The following DGKB variants were observed in gnomAD, a reference collection of about 807,000 sequenced individuals.
DGKB encodes the protein diacylglycerol kinase beta.
Under a neutral mutation model 114.3 loss-of-function variants are expected in DGKB, and 67 were observed. The ratio of observed to expected loss-of-function variants is 0.59; its 90% CI spans 0.48 to 0.72. DGKB has a LOEUF of 0.72. Ranked by LOEUF, DGKB falls within the 30% of genes least tolerant of loss-of-function variation. DGKB has a pLI of 0.00. For missense variants in DGKB, 907 were observed against 975.2 expected (o/e 0.93, Z 0.93); for synonymous variants, 398 against 323.1 (o/e 1.23, Z -2.49).
At chr7:14,335,784 T>G (rs1461768302) in intron 23 of DGKB, among the ~76,000 whole-genome samples, 1 of 152,164 alleles carries the variant, frequency 6.6e-6, no homozygotes, top group Non-Finnish European at 1.5e-5. Flanking sequence ...ACAGAGTCCT[T>G]GCTCCATTGT....
intron 1 of DGKB, among the ~76,000 whole-genome samples, chr7:14,912,296 T>C (rs1784040766): frequency 6.6e-6 from 1 of 152,184 alleles, no homozygotes; most frequent in Non-Finnish European, 1.5e-5. Context: ...CCTATAGTGG[T>C]TTCTTTTAGT....
chr7:14,863,303 G>A (rs1023077042), intron 1 of DGKB, among the ~76,000 whole-genome samples: 8 of 151,204 alleles, frequency 5.3e-5, no homozygotes, highest in Non-Finnish European at 1.2e-4. Flanking sequence ...CTAACCATCT[G>A]TGTCTTTTAT....
intron 21 of DGKB, among the ~76,000 whole-genome samples, chr7:14,440,367 T>A (rs1829911353): frequency 6.6e-6 from 1 of 152,092 alleles, no homozygotes; most frequent in African/African-American, 2.4e-5. Context: ...ACTGAGTTGA[T>A]CAGGACCCTC....
At chr7:14,604,986 A>T (rs769365101) in intron 17 of DGKB, among the ~76,000 whole-genome samples, 11 of 152,020 alleles carry the variant, frequency 7.2e-5, no homozygotes, top group Non-Finnish European at 1.2e-4. Flanking sequence ...AATTATATTT[A>T]ATCATTTTTT....
intron 1 of DGKB, among the ~76,000 whole-genome samples, chr7:14,896,307 G>T (rs1281120415): frequency 6.6e-6 from 1 of 151,696 alleles, no homozygotes; most frequent in African/African-American, 2.4e-5. Context: ...AGGATTAATT[G>T]CATGCCAGAT....
chr7:14,888,083 T>G (rs937960402), intron 1 of DGKB, among the ~76,000 whole-genome samples: 2 of 151,692 alleles, frequency 1.3e-5, no homozygotes, highest in African/African-American at 4.8e-5. Flanking sequence ...AGGACAGAGT[T>G]GCAACAAGGT....
At chr7:14,926,591 TTA>T (rs769808820) in intron 1 of DGKB, among the ~76,000 whole-genome samples, 17 of 151,696 alleles carry the variant, frequency 1.1e-4, no homozygotes, top group Non-Finnish European at 2.2e-4. Context: ...AAGATTTTTT[TTA>T]TGTTTTTGGT....
intron 23 of DGKB, among the ~76,000 whole-genome samples, chr7:14,304,839 T>G (rs375446357): frequency 3.9e-5 from 6 of 152,278 alleles, no homozygotes; most frequent in African/African-American, 1.4e-4. Context: ...ATTCTTGATA[T>G]TGACTATTTT....
At chr7:14,285,501 A>C (rs2128463087) in intron 23 of DGKB, among the ~76,000 whole-genome samples, 1 of 152,294 alleles carries the variant, frequency 6.6e-6, no homozygotes, top group South Asian at 2.1e-4. Flanking sequence ...GCCTAAAATT[A>C]AATATACACT....
intron 25 of DGKB, among the ~76,000 whole-genome samples, chr7:14,157,244 C>T (rs1783148726): frequency 6.6e-6 from 1 of 151,916 alleles, no homozygotes; most frequent in South Asian, 2.1e-4. Flanking sequence ...ATAATGGAAA[C>T]CATTTTGAAT....
chr7:14,700,706 A>G (rs936878582), intron 7 of DGKB, among the ~76,000 whole-genome samples: 2 of 152,158 alleles, frequency 1.3e-5, no homozygotes, highest in African/African-American at 2.4e-5. Context: ...TTAAAAGTCT[A>G]TTTTAGCTGC....
At chr7:14,860,723 G>A (rs1308890299) in intron 1 of DGKB, among the ~76,000 whole-genome samples, 1 of 151,802 alleles carries the variant, frequency 6.6e-6, no homozygotes, top group South Asian at 2.1e-4. Flanking sequence ...ATGTTTAGAG[G>A]ATTGTAATAA....
chr7:14,357,095 GTGGATGTCTATTAGGTCTGCT>G (rs1196844743), intron 21 of DGKB, among the ~76,000 whole-genome samples: 1 of 152,226 alleles, frequency 6.6e-6, no homozygotes, highest in Non-Finnish European at 1.5e-5. Flanking sequence ...GCAGAGTTCT[GTGGATGTCTATTAGGTCTGCT>G]TGGTGCAGAA....
intron 23 of DGKB, among the ~76,000 whole-genome samples, chr7:14,223,340 A>G (rs1002284406): frequency 6.6e-6 from 1 of 151,738 alleles, no homozygotes; most frequent in East Asian, 1.9e-4. Flanking sequence ...TCTTATCAGA[A>G]TCAGCTTCAT....
At chr7:14,939,017 T>G (rs1785416576) in intron 1 of DGKB, among the ~76,000 whole-genome samples, 1 of 152,172 alleles carries the variant, frequency 6.6e-6, no homozygotes. Context: ...AGTACCAGAT[T>G]CACACACATT....
intron 25 of DGKB, among the ~76,000 whole-genome samples, chr7:14,168,046 C>G (rs756302754): frequency 6.6e-6 from 1 of 152,072 alleles, no homozygotes; most frequent in Non-Finnish European, 1.5e-5. Flanking sequence ...TAACCATGCT[C>G]TAAGAAGTAA....
chr7:14,541,350 T>G (rs571072049), intron 20 of DGKB, among the ~76,000 whole-genome samples: 2 of 152,304 alleles, frequency 1.3e-5, no homozygotes, highest in Admixed American at 1.3e-4. Context: ...ATGAAAATAT[T>G]TGGCAATGCG....
chr7:14,634,288 A>G (rs1304246005), intron 13 of DGKB, among the ~76,000 whole-genome samples: 1 of 151,590 alleles, frequency 6.6e-6, no homozygotes, highest in African/African-American at 2.4e-5. Context: ...CCAGGAAAAC[A>G]AAGTTAGTGA....
chr7:14,920,154 T>C (rs1365322281), intron 1 of DGKB, among the ~76,000 whole-genome samples: 1 of 151,998 alleles, frequency 6.6e-6, no homozygotes, highest in Non-Finnish European at 1.5e-5. Context: ...AAAAGAAAAA[T>C]GATAATTTGG....
Sources: gnomAD v4.1 joint callset for allele counts (sites outside exome capture counted in the v4.1 genomes callset) on GRCh38, gnomAD v4.1.1 for gene constraint, MANE v1.5 for transcripts, NCBI Gene and HGNC (gene_info 2026-07-23, HGNC 2026-07-21) for gene names.